The following WWTR1 variants were observed in gnomAD, a reference collection of about 807,000 sequenced individuals.
WWTR1 encodes the protein WW domain containing transcription regulator 1, also known as WW domain-containing transcription regulator protein 1.
Under a neutral mutation model 40.1 loss-of-function variants are expected in WWTR1, and 13 were observed. The observed-to-expected ratio is 0.32, with a 90% CI of 0.21 to 0.52. The LOEUF is 0.52. Ranked by LOEUF, WWTR1 falls within the 20% of genes least tolerant of loss-of-function variation. WWTR1 has a pLI of 0.97. For synonymous variants in WWTR1, 230 were observed against 210.1 expected, an observed-to-expected ratio of 1.09 and a Z score of -0.82; for missense variants, 436 against 523.1, an observed-to-expected ratio of 0.83 and a Z score of 1.63.
intron 2 of WWTR1, among the ~76,000 whole-genome samples, chr3:149,595,246 C>T (rs531266053): frequency 6.6e-6 from 1 of 152,042 alleles, no homozygotes; most frequent in Admixed American, 6.5e-5. Context: ...AGGCATGAGC[C>T]ACCGCGCCCA....
At chr3:149,539,440 A>C (rs1735986132) in intron 4 of WWTR1, among the ~76,000 whole-genome samples, 1 of 152,060 alleles carries the variant, frequency 6.6e-6, no homozygotes, top group Non-Finnish European at 1.5e-5. Flanking sequence ...GTAGAAGGGC[A>C]GGTAGGTCTA....
intron 2 of WWTR1, among the ~76,000 whole-genome samples, chr3:149,603,047 G>A (rs1739317435): frequency 6.6e-6 from 1 of 152,108 alleles, no homozygotes; most frequent in South Asian, 2.1e-4. Context: ...TTCAACTGTA[G>A]AAATCTATTT....
At chr3:149,584,288 T>G (rs1298029856) in intron 2 of WWTR1, among the ~76,000 whole-genome samples, 1 of 152,228 alleles carries the variant, frequency 6.6e-6, no homozygotes, top group Non-Finnish European at 1.5e-5. Flanking sequence ...CAAAAATTCT[T>G]TTGGGTTAGG....
chr3:149,672,443 C>T (rs565382619), intron 1 of WWTR1, among the ~76,000 whole-genome samples: 30 of 152,186 alleles, frequency 2.0e-4, no homozygotes, highest in East Asian at 9.6e-4. Flanking sequence ...CCTACGTACC[C>T]GAAGGAGGGT....
At chr3:149,543,579 T>TAAAAAAAAAAAAAAAAAA (rs1736225952) in intron 3 of WWTR1, among the ~76,000 whole-genome samples, 1 of 806 alleles carries the variant, frequency 1.2e-3, no homozygotes, top group Non-Finnish European at 3.4e-3. Context: ...AGACTCTGTC[T>TAAAAAAAAAAAAAAAAAA]CAAAAAAAAA....
chr3:149,563,528 C>G (rs971284319), intron 3 of WWTR1, among the ~76,000 whole-genome samples: 34 of 152,166 alleles, frequency 2.2e-4, no homozygotes, highest in African/African-American at 8.2e-4. Flanking sequence ...CATTCACTTA[C>G]CCAATGCTCA....
At chr3:149,589,617 G>T (rs1313329149) in intron 2 of WWTR1, among the ~76,000 whole-genome samples, 2 of 150,774 alleles carry the variant, frequency 1.3e-5, no homozygotes, top group East Asian at 2.0e-4. Context: ...TTTCTTTACA[G>T]GATACATTTA....
chr3:149,663,628 G>A (rs1032720590), intron 2 of WWTR1, among the ~76,000 whole-genome samples: 9 of 152,020 alleles, frequency 5.9e-5, no homozygotes, highest in Admixed American at 2.6e-4. Context: ...CCCAGGAGGC[G>A]GAGGCTGCAG....
At chr3:149,673,689 T>C (rs1714165101) in intron 1 of WWTR1, among the ~76,000 whole-genome samples, 1 of 152,198 alleles carries the variant, frequency 6.6e-6, no homozygotes. Context: ...GCAGACTCCA[T>C]TTTTAGCATT....
At position 149,563,306 on chromosome 3, in the gene WWTR1, T is replaced by G. The variant is rs16862002; in HGVS notation, c.568+9558A>C. 1.0e-3 allele frequency among the ~76,000 whole-genome samples: 153 copies of G among 152,284 alleles called. 1 individual carries two copies. The East Asian group carries it at 0.022, about 22-fold the overall frequency. ...CCCTCTTCCCCAGGTGTGGGGGTGC[T>G]TCTCTGGAATTCGTCACGGTTTAGG... On this transcript the variant is annotated intron_variant, in intron 3 of 6. Transcript: ENST00000360632.
At chr3:149,681,485 A>T (rs1714456478) in intron 1 of WWTR1, among the ~76,000 whole-genome samples, 1 of 152,182 alleles carries the variant, frequency 6.6e-6, no homozygotes, top group Non-Finnish European at 1.5e-5. Context: ...CTTTATTTGG[A>T]GAAATGTATA....
At chr3:149,632,463 G>T (rs899583412) in intron 2 of WWTR1, among the ~76,000 whole-genome samples, 2 of 152,096 alleles carry the variant, frequency 1.3e-5, no homozygotes, top group African/African-American at 2.4e-5. Flanking sequence ...CTCTATGACT[G>T]CTCTCTGACA....
intron 4 of WWTR1, among the ~76,000 whole-genome samples, chr3:149,530,400 A>G (rs1400039949): frequency 2.0e-5 from 3 of 152,098 alleles, no homozygotes; most frequent in Admixed American, 6.6e-5. Flanking sequence ...GGAGTTCTAA[A>G]TTTATATATG....
chr3:149,709,732 C>T (rs1438706497), intron 5 of WWTR1, among the ~76,000 whole-genome samples: 1 of 152,012 alleles, frequency 6.6e-6, no homozygotes, highest in Non-Finnish European at 1.5e-5. Flanking sequence ...TGGTGAAATC[C>T]TGTCTCTACT....
chr3:149,706,510 G>T (rs372283853), upstream of WWTR1, among the ~76,000 whole-genome samples: 137 of 152,000 alleles, frequency 9.0e-4, no homozygotes, highest in Non-Finnish European at 1.3e-3. Context: ...TAGAGACAGG[G>T]TTTCTCCATG....
rs562561529 is a variant in WWTR1, at chr3:149,617,439, C to T, written c.431+39437G>A. ...ACCACTAGAGGCTTATGGCTTTCCA[C>T]GGATTAGCCACTTTTCATTATTTCT... On this transcript the variant is annotated intron_variant, in intron 2 of 6. Coordinates refer to ENST00000360632, the MANE Select transcript of WWTR1 (RefSeq NM_015472.6). 1.4e-4 allele frequency among the ~76,000 whole-genome samples: 21 copies of T among 152,252 alleles called. No homozygotes were observed. In the South Asian group the frequency reaches 3.9e-3, roughly 29 times the overall value.
chr3:149,655,463 C>A (rs545302645), intron 2 of WWTR1, among the ~76,000 whole-genome samples: 2 of 147,350 alleles, frequency 1.4e-5, no homozygotes, highest in East Asian at 4.0e-4. Context: ...AAACAAACAA[C>A]AAACAACAAC....
intron 2 of WWTR1, among the ~76,000 whole-genome samples, chr3:149,636,793 T>C (rs915378296): frequency 1.3e-5 from 2 of 151,746 alleles, no homozygotes; most frequent in Admixed American, 1.3e-4. Context: ...GGGCCAGGCA[T>C]TAGAGAAGTA....
intron 1 of WWTR1, among the ~76,000 whole-genome samples, chr3:149,686,898 C>T (rs925597269): frequency 1.1e-4 from 16 of 152,112 alleles, no homozygotes; most frequent in African/African-American, 3.9e-4. Context: ...CATTTTATGG[C>T]TTTGCAAATG....
Sources: gnomAD v4.1 joint callset for allele counts (sites outside exome capture counted in the v4.1 genomes callset) on GRCh38, gnomAD v4.1.1 for gene constraint, MANE v1.5 for transcripts, NCBI Gene and HGNC (gene_info 2026-07-23, HGNC 2026-07-21) for gene names.